RSU1: variants seen among roughly 807,000 people sequenced by gnomAD.
RSU1 encodes rsu-1.
In RSU1, 26 loss-of-function variants were observed where a neutral mutation model predicts 31.1. The observed-to-expected ratio is 0.84, with a 90% CI of 0.61 to 1.16. RSU1 has a LOEUF of 1.16. RSU1 is among the 50% of genes most tolerant of loss of function. RSU1 has a pLI of 0.00. For synonymous variants in RSU1, 164 were observed against 136.3 expected, an observed-to-expected ratio of 1.20 and a Z score of -1.41; for missense variants, 320 against 339.1, an observed-to-expected ratio of 0.94 and a Z score of 0.44.
At chr10:16,657,927 T>G (rs142017426) in intron 8 of RSU1, among the ~76,000 whole-genome samples, 3,492 of 152,020 alleles carry the variant, frequency 0.023, 114 homozygotes, top group East Asian at 0.13. Flanking sequence ...GAGGCGGAGG[T>G]TGCAGTGAGC....
rs564732913 is a variant in RSU1 at position 16,622,006 on chromosome 10, G to A, written c.732-28510C>T. 1.9e-3 allele frequency among the ~76,000 whole-genome samples: 286 copies of A among 152,190 alleles called. 1 individual carries two copies. Among genetic ancestry groups the A allele is most frequent in the African/African-American group, 6.7e-3 (278 of 41,522 alleles). On this transcript the variant is annotated intron_variant, in intron 8 of 8. Coordinates refer to ENST00000345264, the MANE Select transcript of RSU1 (RefSeq NM_012425.4). ...ATAACAATACAGGTGCCTTGCTTGA[G>A]GGAATGGATACTCCATTCTCCATGC...
intron 2 of RSU1, among the ~76,000 whole-genome samples, chr10:16,797,711 G>T (rs1477916265): frequency 6.6e-6 from 1 of 151,612 alleles, no homozygotes; most frequent in Non-Finnish European, 1.5e-5. Flanking sequence ...CAAAAATTCA[G>T]CAATAAAGGG....
At chr10:16,735,445 C>A (rs1836606333) in intron 7 of RSU1, among the ~76,000 whole-genome samples, 1 of 152,150 alleles carries the variant, frequency 6.6e-6, no homozygotes, top group African/African-American at 2.4e-5. Context: ...TCCACATTGG[C>A]AGTTATCAAA....
rs547622623 is a variant in RSU1, at chr10:16,617,016, A to T, written c.732-23520T>A. On this transcript the variant is annotated intron_variant, in intron 8 of 8. Transcript: ENST00000345264. ...GGCAATCAGGCAAGAGAAGGAAAGT[A>T]TTCAACTAGGAAGAGAGGAAGTCAA... is the stretch of plus-strand genomic sequence containing the variant. Among the ~76,000 whole-genome samples, 8 of 152,364 alleles carry T rather than the reference A, an allele frequency of 5.3e-5. No homozygotes were observed. In the East Asian group the frequency reaches 1.5e-3, roughly 29 times the overall value.
chr10:16,677,636 G>C (rs938043229), intron 8 of RSU1, among the ~76,000 whole-genome samples: 2 of 152,134 alleles, frequency 1.3e-5, no homozygotes, highest in African/African-American at 4.8e-5. Context: ...AAAATTTATA[G>C]AGAATATTTT....
At chr10:16,655,662 T>C (rs1229706139) in intron 8 of RSU1, among the ~76,000 whole-genome samples, 1 of 152,252 alleles carries the variant, frequency 6.6e-6, no homozygotes, top group Admixed American at 6.5e-5. Context: ...TGTTTTCTTA[T>C]GCTTTGGAGA....
chr10:16,626,457 T>G (rs1441355866), intron 8 of RSU1, among the ~76,000 whole-genome samples: 1 of 152,204 alleles, frequency 6.6e-6, no homozygotes, highest in African/African-American at 2.4e-5. Context: ...TGCGCCACCA[T>G]GCCTGATCAA....
intron 2 of RSU1, among the ~76,000 whole-genome samples, chr10:16,816,371 T>C (rs59946283): frequency 0.046 from 6,993 of 151,812 alleles, 520 homozygotes; most frequent in African/African-American, 0.16. Flanking sequence ...AGGGAGAGGG[T>C]AACACCATAG....
intron 7 of RSU1, among the ~76,000 whole-genome samples, chr10:16,750,059 T>C (rs1218642108): frequency 1.3e-5 from 2 of 152,180 alleles, no homozygotes; most frequent in Non-Finnish European, 2.9e-5. Context: ...AAAAGTCTCC[T>C]TATAATTCTT....
At chr10:16,714,132 C>T (rs1257991002) in intron 7 of RSU1, among the ~76,000 whole-genome samples, 1 of 152,148 alleles carries the variant, frequency 6.6e-6, no homozygotes, top group Non-Finnish European at 1.5e-5. Flanking sequence ...CACCACTAGT[C>T]TGGCTGTTGG....
chr10:16,777,408 G>A (rs1837555767), intron 3 of RSU1, among the ~76,000 whole-genome samples: 1 of 152,158 alleles, frequency 6.6e-6, no homozygotes, highest in African/African-American at 2.4e-5. Flanking sequence ...ACGTGAAACT[G>A]AATATTTTCA....
At chr10:16,689,447 A>C (rs1326880410) in intron 8 of RSU1, among the ~76,000 whole-genome samples, 1 of 152,242 alleles carries the variant, frequency 6.6e-6, no homozygotes, top group African/African-American at 2.4e-5. Flanking sequence ...TAGAGGATAT[A>C]GTAGTTGTTT....
Position 16,701,681 on chromosome 10 carries a change from C to A in RSU1, c.599-6526G>T, listed in dbSNP as rs146911594. On this transcript the variant is annotated intron_variant, in intron 7 of 8. Coordinates refer to ENST00000345264, the MANE Select transcript of RSU1 (RefSeq NM_012425.4). ...CCACCACCCTACCAAATAGTTCCAACACAAGCAGCACCTGATTTAAGTGTG... is the reference window on the plus strand; with the variant it reads ...CCACCACCCTACCAAATAGTTCCAAAACAAGCAGCACCTGATTTAAGTGTG... Among the ~76,000 whole-genome samples the A allele has an allele frequency of 7.9e-3, 1,196 of 152,224 alleles. 12 individuals carry two copies. The highest frequency in any genetic ancestry group is 0.027 in the African/African-American group (1,123 of 41,526).
At chr10:16,604,836 G>A (rs1017148582) in intron 8 of RSU1, among the ~76,000 whole-genome samples, 8 of 152,132 alleles carry the variant, frequency 5.3e-5, no homozygotes, top group South Asian at 2.1e-4. Context: ...ACACAAGCAC[G>A]GGGCCAACAA....
At chr10:16,624,485 T>G (rs762631378) in intron 8 of RSU1, among the ~76,000 whole-genome samples, 1 of 152,098 alleles carries the variant, frequency 6.6e-6, no homozygotes, top group Non-Finnish European at 1.5e-5. Flanking sequence ...ACTCCAGCTT[T>G]CAGCCTGCCA....
intron 8 of RSU1, among the ~76,000 whole-genome samples, chr10:16,670,738 G>A (rs890838636): frequency 6.6e-6 from 1 of 152,054 alleles, no homozygotes; most frequent in African/African-American, 2.4e-5. Context: ...CCCTTGGTCA[G>A]TACTGGTCAG....
intron 4 of RSU1, among the ~76,000 whole-genome samples, chr10:16,761,346 G>T (rs551093831): frequency 3.0e-4 from 45 of 152,222 alleles, no homozygotes; most frequent in African/African-American, 1.1e-3. Context: ...AACTGTAATG[G>T]AAGCTCCATC....
At chr10:16,664,315 T>C (rs1221106970) in intron 8 of RSU1, among the ~76,000 whole-genome samples, 1 of 152,188 alleles carries the variant, frequency 6.6e-6, no homozygotes, top group African/African-American at 2.4e-5. Context: ...TCACACGCAC[T>C]GATGATGGCT....
chr10:16,705,524 C>G (rs1485462555), intron 7 of RSU1, among the ~76,000 whole-genome samples: 1 of 152,074 alleles, frequency 6.6e-6, no homozygotes, highest in Admixed American at 6.5e-5. Flanking sequence ...GAGTCTCGCT[C>G]TGTCACACAG....
Sources: gnomAD v4.1 joint callset for allele counts (sites outside exome capture counted in the v4.1 genomes callset) on GRCh38, gnomAD v4.1.1 for gene constraint, MANE v1.5 for transcripts, NCBI Gene and HGNC (gene_info 2026-07-23, HGNC 2026-07-21) for gene names.